IL11RA: variants seen among roughly 807,000 people sequenced by gnomAD.
IL11RA encodes interleukin 11 receptor subunit alpha.
Under a neutral mutation model 57.0 loss-of-function variants are expected in IL11RA, and 51 were observed. That is an observed-to-expected ratio of 0.89 (90% confidence interval 0.71 to 1.13). The LOEUF (loss-of-function observed/expected upper bound fraction) is 1.13, where lower values mean the gene tolerates loss of function less well. Ranked by LOEUF, IL11RA falls within the 50% of genes most tolerant of loss-of-function variation. The probability of loss-of-function intolerance (pLI) is 0.00; values close to 1 mark genes in which losing one functional copy is unlikely to be tolerated. For synonymous variants in IL11RA, 199 were observed against 217.5 expected (o/e 0.91, Z 0.75); for missense variants, 498 against 539.4 (o/e 0.92, Z 0.76).
rs1821461291 is a variant in IL11RA at position 34,661,733 on chromosome 9, C to G, written c.*235C>G. The G allele has an allele frequency of 1.5e-6, 1 of 684,978 alleles. No individual in the cohort carries two copies. Among genetic ancestry groups the G allele is most frequent in the African/African-American group, 1.8e-5 (1 of 56,282 alleles). The allele number at this position is 684,978 out of a possible 1,614,324, so 42.4% of individuals were successfully genotyped here. ...ACGTGTGTAATGTGTACATCTGTGT[C>G]CATGTGTGACCATGTGTCTGTGAGG... On this transcript the variant is annotated 3_prime_UTR_variant, in exon 13 of 13. Coordinates refer to ENST00000441545, the MANE Select transcript of IL11RA (RefSeq NM_001142784.3).
chr9:34,655,288 C>T lies in IL11RA; in HGVS notation c.71C>T (p.Ser24Phe), dbSNP rs770361672. 13 of 1,610,100 alleles carry T rather than the reference C, an allele frequency of 8.1e-6. No homozygotes were observed. The Admixed American group carries it at 8.4e-5, about 10-fold the overall frequency. ...AVATALVSAS[S>F]PCPQAWGPPG... ...GCTACAGCCCTGGTGTCTGCCTCCT[C>T]CCCCTGCCCCCAGGCCTGGGGCCCC... The change falls in exon 2 of 13, where the codon TCC becomes TTC. Residue 24 changes from serine to phenylalanine, a missense_variant. Physicochemically the swap from Ser to Phe is radical, Grantham distance 155. Coordinates refer to ENST00000441545, the MANE Select transcript of IL11RA (RefSeq NM_001142784.3).
intron 3 of IL11RA, 51 bp downstream of exon 3, chr9:34,655,716 T>C: frequency 6.6e-7 from 1 of 1,524,510 alleles, no homozygotes; most frequent in Non-Finnish European, 9.1e-7. Context: ...CTTTCTTGAC[T>C]CTGCCTAGTC....
At chr9:34,655,026 C>A (rs545457139) in intron 1 of IL11RA, 192 bp from the exon 2 acceptor site, 12 of 614,724 alleles carry the variant, frequency 2.0e-5, no homozygotes, top group Non-Finnish European at 2.7e-5. Context: ...TGCGCGCGCA[C>A]GCACATGCAA....
chr9:34,659,461 C>T (rs952853793), intron 8 of IL11RA, among the ~76,000 whole-genome samples: 1 of 152,158 alleles, frequency 6.6e-6, no homozygotes, highest in Non-Finnish European at 1.5e-5. Context: ...GGTAGATTCA[C>T]CTCTATTTTA....
At chr9:34,656,583 G>A (rs1237043131) in intron 3 of IL11RA, among the ~76,000 whole-genome samples, 156 bp from the exon 4 acceptor site, 5 of 152,258 alleles carry the variant, frequency 3.3e-5, no homozygotes, top group Non-Finnish European at 7.3e-5. Context: ...AGAAGGAAAG[G>A]AAGGCAAGGG....
Position 34,658,379 on chromosome 9 carries a change from T to C in IL11RA, c.647-141T>C, listed in dbSNP as rs948494509. On this transcript the variant is annotated intron_variant, in intron 7 of 12. Transcript: ENST00000441545. The surrounding 1 kb of genome is among the most constrained non-coding windows in gnomAD (Gnocchi z 4.0). The stretch of plus-strand genomic sequence containing the variant: ...ATAATACAGATGACCGGTCTGAGTC[T>C]AATGGATGATCAAGTTTAAGATTTC... The C allele has an allele frequency of 4.6e-6, 4 of 863,436 alleles. No homozygotes were observed. Among genetic ancestry groups the C allele is most frequent in the Non-Finnish European group, 7.7e-6 (4 of 519,682 alleles). 53.5% of individuals were successfully genotyped at this position (863,436 alleles called of 1,614,324 possible).
At chr9:34,655,766 T>A in intron 3 of IL11RA, 101 bp downstream of exon 3, 1 of 943,232 alleles carries the variant, frequency 1.1e-6, no homozygotes, top group Non-Finnish European at 1.7e-6. Flanking sequence ...GCTCTGTCCG[T>A]AATCCTCACC....
Position 34,659,784 on chromosome 9 carries a change from T to A in IL11RA, c.836T>A (p.Val279Glu), listed in dbSNP as rs1404020942. 1.2e-5 allele frequency: 20 copies of A among 1,613,880 alleles called. No individual in the cohort carries two copies. The highest frequency in any genetic ancestry group is 1.7e-5 in the Non-Finnish European group (20 of 1,179,992). Residue 279 changes from valine (V) to glutamate (E), a missense_variant, in exon 9 of 13, where the codon GTG (valine) becomes GAG (glutamate). Coordinates refer to ENST00000441545, the MANE Select transcript of IL11RA (RefSeq NM_001142784.3). ...GTGGAGCCAGCTGGACTGGAGGAGG[T>A]GATCACAGATGCTGTGGCTGGGCTG... ...STVEPAGLEE[V>E]ITDAVAGLPH...
Position 34,658,434 on chromosome 9 carries a change from G to C in IL11RA, c.647-86G>C, listed in dbSNP as rs1433858622. 1 of 1,359,508 alleles carries C rather than the reference G, an allele frequency of 7.4e-7. No individual in the cohort carries two copies. Among genetic ancestry groups the C allele is most frequent in the East Asian group, 2.3e-5 (1 of 43,704 alleles). 84.2% of individuals were successfully genotyped at this position (1,359,508 alleles called of 1,614,324 possible). A position where few individuals can be genotyped will look rare whatever the true frequency, so the allele number is the denominator to read the frequency against. On this transcript the variant is annotated intron_variant, in intron 7 of 12. Transcript: ENST00000441545. This position sits in a 1 kb window ranked among gnomAD's most constrained non-coding sequence, Gnocchi z 4.0. ...CCCCTCTCAGGAGTGTCTGGCTAAG[G>C]CTCCTTTAAACACACACTTTGGGAA...
intron 8 of IL11RA, among the ~76,000 whole-genome samples, chr9:34,659,126 T>C (rs1162582405): frequency 6.6e-6 from 1 of 152,114 alleles, no homozygotes; most frequent in Non-Finnish European, 1.5e-5. Flanking sequence ...GGTTTCACCA[T>C]ATTGCCCAGG....
At position 34,659,766 on chromosome 9, in the gene IL11RA, C is replaced by CA; in HGVS notation, c.819dup (p.Ala274SerfsTer85). 1 of 1,614,208 alleles carries CA rather than the reference C, an allele frequency of 6.2e-7. No homozygotes were observed. The highest frequency in any genetic ancestry group is 8.5e-7 in the Non-Finnish European group (1 of 1,180,032). On this transcript the variant is annotated frameshift_variant, in exon 9 of 13. Coordinates refer to ENST00000441545, the MANE Select transcript of IL11RA (RefSeq NM_001142784.3). LOFTEE classifies it high-confidence loss of function. ...AGTCATGTTTACCCCCAGGTGGAGC[C>CA]AGCTGGACTGGAGGAGGTGATCACA...
Position 34,657,220 on chromosome 9 carries a change from G to A in IL11RA, c.446+71G>A. The A allele has an allele frequency of 1.9e-6, 3 of 1,608,614 alleles. No individual in the cohort carries two copies. In the South Asian group the frequency reaches 3.3e-5, roughly 18 times the overall value. On this transcript the variant is annotated intron_variant, in intron 5 of 12. Transcript: ENST00000441545. ...GGTGCAATGTGGGTGTGGGAGGCAG[G>A]GAGGTAGGTTCTGAGGAAAGCCTCA...
At chr9:34,655,500 A>G (rs1821326200) in intron 2 of IL11RA, 105 bp from the exon 3 acceptor site, 5 of 1,016,248 alleles carry the variant, frequency 4.9e-6, no homozygotes, top group Admixed American at 3.7e-5. Context: ...TGATCCAGTG[A>G]GCCCCCCACC....
At position 34,658,620 on chromosome 9, in the gene IL11RA, G is replaced by A. The variant is rs758839859; in HGVS notation, c.747G>A (p.Gln249=). 1.2e-6 allele frequency: 2 copies of A among 1,614,064 alleles called. No individual in the cohort carries two copies. The highest frequency in any genetic ancestry group is 2.2e-5 in the East Asian group (1 of 44,874). ...SWTYPASWPC[Q]PHFLLKFRLQ... ...CATACCCTGCCTCCTGGCCGTGCCAGCCCCACTTCCTGCTCAAGTTCCGTT... is the reference window on the plus strand; with the variant it reads ...CATACCCTGCCTCCTGGCCGTGCCAACCCCACTTCCTGCTCAAGTTCCGTT... The change falls in exon 8 of 13, where the codon CAG becomes CAA. Residue 249 remains glutamine, a synonymous_variant. Coordinates refer to ENST00000441545, the MANE Select transcript of IL11RA (RefSeq NM_001142784.3). The surrounding 1 kb of genome is among the most constrained non-coding windows in gnomAD (Gnocchi z 4.0).
At chr9:34,660,805 C>T in intron 11 of IL11RA, 49 bp from the exon 12 acceptor site, 2 of 1,530,000 alleles carry the variant, frequency 1.3e-6, no homozygotes, top group Non-Finnish European at 1.8e-6. Context: ...TTGGCGGAGA[C>T]TGAGATAACC....
chr9:34,661,812 TGG>T lies in IL11RA; in HGVS notation c.*316_*317del. ...TATGTAGGTGCCTGGGGAGTGTGTG[TGG>T]GTCCTTGGCTCTTGGCCTTTCCCCT... is the stretch of plus-strand genomic sequence containing the variant. On this transcript the variant is annotated 3_prime_UTR_variant, in exon 13 of 13. Coordinates refer to ENST00000441545, the MANE Select transcript of IL11RA (RefSeq NM_001142784.3). The T allele has an allele frequency of 9.8e-7, 1 of 1,021,640 alleles. No individual in the cohort carries two copies. The highest frequency in any genetic ancestry group is 1.5e-6 in the Non-Finnish European group (1 of 678,538). The allele number at this position is 1,021,640 out of a possible 1,614,324, so 63.3% of individuals were successfully genotyped here. A position where few individuals can be genotyped will look rare whatever the true frequency, so the allele number is the denominator to read the frequency against.
At chr9:34,656,514 AAAG>A (rs1190790350) in intron 3 of IL11RA, among the ~76,000 whole-genome samples, 2 of 152,196 alleles carry the variant, frequency 1.3e-5, no homozygotes, top group Non-Finnish European at 2.9e-5. Flanking sequence ...CGAGGAATAG[AAAG>A]AAGACCAATG....
At chr9:34,657,640 G>A in intron 7 of IL11RA, 53 bp downstream of exon 7, 1 of 1,534,216 alleles carries the variant, frequency 6.5e-7, no homozygotes, top group Non-Finnish European at 8.9e-7. Context: ...GACCCCAAAT[G>A]GACTCAGATC....
chr9:34,657,790 T>G (rs1316579237), intron 7 of IL11RA, among the ~76,000 whole-genome samples: 2 of 152,236 alleles, frequency 1.3e-5, no homozygotes, highest in Non-Finnish European at 2.9e-5. Flanking sequence ...AGGCTGCTGC[T>G]GCTACCCACA....
Sources: gnomAD v4.1 joint callset for allele counts (sites outside exome capture counted in the v4.1 genomes callset) on GRCh38, gnomAD v4.1.1 for gene constraint, Gnocchi (gnomAD v3.1) non-coding constraint, MANE v1.5 for transcripts, NCBI Gene and HGNC (gene_info 2026-07-23, HGNC 2026-07-21) for gene names.